The following PKN2 variants were observed in gnomAD, a reference collection of about 807,000 sequenced individuals.
PKN2 encodes the protein protein kinase N2.
PKN2 carries 38 observed loss-of-function variants against 119.1 expected under a neutral mutation model. The ratio of observed to expected loss-of-function variants is 0.32; its 90% CI spans 0.25 to 0.42. The LOEUF (loss-of-function observed/expected upper bound fraction) is 0.42. Ranked by LOEUF, PKN2 falls within the 10% of genes least tolerant of loss-of-function variation. The pLI is 1.00. For missense variants in PKN2, 850 were observed against 1,165.1 expected (o/e 0.73, Z 3.94); for synonymous variants, 390 against 384.9 (o/e 1.01, Z -0.15).
At chr1:88,778,719 T>C (rs6669649) in intron 6 of PKN2, among the ~76,000 whole-genome samples, 10,102 of 143,818 alleles carry the variant, frequency 0.07, 687 homozygotes, top group African/African-American at 0.19. Flanking sequence ...AAAGATTTTC[T>C]TTTTTTTTTT....
chr1:88,766,794 A>C (rs964886755), intron 3 of PKN2, among the ~76,000 whole-genome samples: 3 of 152,208 alleles, frequency 2.0e-5, no homozygotes, highest in African/African-American at 7.2e-5. Flanking sequence ...AATGCCTGAA[A>C]ACATAAAACT....
intron 2 of PKN2, 110 bp downstream of exon 2, chr1:88,741,398 TAG>T: frequency 1.5e-6 from 1 of 659,708 alleles, no homozygotes; most frequent in Admixed American, 3.8e-5. Flanking sequence ...TTTCTGAAAG[TAG>T]AGAGACTTTT....
At chr1:88,719,224 GGATCT>G (rs1235633712) in intron 1 of PKN2, among the ~76,000 whole-genome samples, 2 of 152,034 alleles carry the variant, frequency 1.3e-5, no homozygotes, top group African/African-American at 4.8e-5. Flanking sequence ...AAAGTCATTT[GGATCT>G]TTTATTGTTT....
intron 1 of PKN2, among the ~76,000 whole-genome samples, chr1:88,733,167 G>A (rs1308450075): frequency 6.6e-6 from 1 of 152,174 alleles, no homozygotes; most frequent in East Asian, 1.9e-4. Context: ...GCAGATATCT[G>A]TAAAACATAC....
At chr1:88,707,164 C>T (rs914676377) in intron 1 of PKN2, among the ~76,000 whole-genome samples, 2 of 151,716 alleles carry the variant, frequency 1.3e-5, no homozygotes, top group South Asian at 2.1e-4. Context: ...GTCTCTTTTC[C>T]TTGAGTAAAT....
chr1:88,787,722 C>T (rs1226935360), intron 8 of PKN2, among the ~76,000 whole-genome samples: 3 of 152,192 alleles, frequency 2.0e-5, no homozygotes, highest in Admixed American at 1.3e-4. Flanking sequence ...ATGTTTTTCG[C>T]CTCAATGGCA....
At chr1:88,717,775 T>G (rs1006652343) in intron 1 of PKN2, among the ~76,000 whole-genome samples, 1 of 152,098 alleles carries the variant, frequency 6.6e-6, no homozygotes, top group Non-Finnish European at 1.5e-5. Flanking sequence ...TTATTACCGA[T>G]CTTCCGAAGC....
chr1:88,771,866 A>G lies in PKN2; in HGVS notation c.972A>G (p.Pro324=), dbSNP rs368519297. 1 of 1,610,934 alleles carries G rather than the reference A, an allele frequency of 6.2e-7. No homozygotes were observed. The highest frequency in any genetic ancestry group is 8.5e-7 in the Non-Finnish European group (1 of 1,177,166). Residue 324 remains proline, a synonymous_variant, in exon 6 of 22, where the codon CCA becomes CCG. Transcript: ENST00000370521. The stretch of plus-strand genomic sequence containing the variant: ...ATCAATATAGTACACTATCCAAACC[A>G]GCAGCACTAACAGGTATGTAGTGTA... ...TQNQYSTLSK[P]AALTGTLEVR...
chr1:88,754,996 T>A lies in PKN2; in HGVS notation c.350-5226T>A, dbSNP rs114862308. 2.5e-3 allele frequency among the ~76,000 whole-genome samples: 387 copies of A among 152,278 alleles called. 1 individual carries two copies. The highest frequency in any genetic ancestry group is 8.7e-3 in the African/African-American group (360 of 41,568). ...TAATATTAGCAATATATGCAGCAAA[T>A]GGAAATTTGTTTTTTGTTGTAATCA... On this transcript the variant is annotated intron_variant, in intron 2 of 21. Coordinates refer to ENST00000370521, the MANE Select transcript of PKN2 (RefSeq NM_006256.4).
At chr1:88,781,693 G>T (rs529539788) in intron 6 of PKN2, among the ~76,000 whole-genome samples, 7 of 152,034 alleles carry the variant, frequency 4.6e-5, no homozygotes, top group Non-Finnish European at 1.0e-4. Context: ...GTTGAGCATT[G>T]TCATGTTCTG....
chr1:88,833,374 C>G lies in PKN2; in HGVS notation c.2881C>G (p.Arg961Gly). 6.2e-7 allele frequency: 1 copy of G among 1,613,368 alleles called. No individual in the cohort carries two copies. The highest frequency in any genetic ancestry group is 8.5e-7 in the Non-Finnish European group (1 of 1,179,464). ...TSEAPILTPP[R>G]EPRILSEEEQ... ...AGAAGCACCTATTCTGACTCCACCT[C>G]GAGAACCAAGGATACTTTCGGAAGA... Residue 961 changes from arginine to glycine, a missense_variant, in exon 22 of 22, where the codon CGA becomes GGA. Physicochemically the swap from Arg to Gly is moderately radical, Grantham distance 125. Transcript: ENST00000370521.
intron 1 of PKN2, among the ~76,000 whole-genome samples, chr1:88,730,960 T>C (rs1398527056): frequency 6.6e-6 from 1 of 152,250 alleles, no homozygotes; most frequent in Non-Finnish European, 1.5e-5. Context: ...CTGAGCCTTC[T>C]GTTCAAAACA....
chr1:88,823,703 TAAA>T (rs61234342), intron 17 of PKN2, among the ~76,000 whole-genome samples: 27 of 65,788 alleles, frequency 4.1e-4, no homozygotes, highest in African/African-American at 7.2e-4. Flanking sequence ...GACTCTGTCT[TAAA>T]AAAAAAAAAA....
At chr1:88,719,437 C>G (rs1370238010) in intron 1 of PKN2, among the ~76,000 whole-genome samples, 1 of 152,138 alleles carries the variant, frequency 6.6e-6, no homozygotes, top group Non-Finnish European at 1.5e-5. Context: ...GATTCCCTCC[C>G]TTGTTCTGTC....
intron 1 of PKN2, among the ~76,000 whole-genome samples, chr1:88,723,819 T>C (rs188843041): frequency 4.3e-4 from 66 of 152,334 alleles, no homozygotes; most frequent in Non-Finnish European, 1.0e-4. Context: ...AAAAGGCATG[T>C]ATTTGTCCAT....
chr1:88,760,257 C>T lies in PKN2; in HGVS notation c.385C>T (p.Pro129Ser), dbSNP rs1298647721. ...PRTPDTPNND[P>S]RCSTSNNRLK... ...GACTCCAGATACTCCAAATAATGAC[C>T]CTCGTTGTTCTACTAGCAACAATAG... Residue 129 changes from proline to serine, a missense_variant, in exon 3 of 22, where the codon CCT (proline) becomes TCT (serine). By Grantham distance (74) the Pro-to-Ser change is moderately conservative. Coordinates refer to ENST00000370521, the MANE Select transcript of PKN2 (RefSeq NM_006256.4). 4 of 1,575,326 alleles carry T rather than the reference C, an allele frequency of 2.5e-6. No individual in the cohort carries two copies. The highest frequency in any genetic ancestry group is 3.4e-5 in the Admixed American group (2 of 58,074).
At chr1:88,825,537 C>T (rs1364579471) in intron 18 of PKN2, among the ~76,000 whole-genome samples, 1 of 152,198 alleles carries the variant, frequency 6.6e-6, no homozygotes, top group Non-Finnish European at 1.5e-5. Context: ...ATCTTGCGTT[C>T]TATCCTGTTC....
intron 3 of PKN2, among the ~76,000 whole-genome samples, chr1:88,765,678 G>A (rs1669641325): frequency 6.6e-6 from 1 of 152,132 alleles, no homozygotes; most frequent in Non-Finnish European, 1.5e-5. Flanking sequence ...TGTCGTCGTC[G>A]TCGTTATAAA....
At chr1:88,827,880 C>T (rs1012090421) in intron 18 of PKN2, among the ~76,000 whole-genome samples, 4 of 151,594 alleles carry the variant, frequency 2.6e-5, no homozygotes, top group Non-Finnish European at 4.4e-5. Context: ...CCACCATGCC[C>T]GGCTAATTTT....
Sources: allele counts gnomAD v4.1 joint callset (sites outside exome capture counted in the v4.1 genomes callset), GRCh38; gene constraint gnomAD v4.1.1; transcripts MANE v1.5; gene names NCBI Gene and HGNC (gene_info 2026-07-23, HGNC 2026-07-21).